SORCS1: variants seen among roughly 807,000 people sequenced by gnomAD.
SORCS1 encodes sortilin related VPS10 domain containing receptor 1.
In SORCS1, 60 loss-of-function variants were observed where a neutral mutation model predicts 146.1. The observed-to-expected ratio is 0.41, with a 90% CI of 0.33 to 0.51. The LOEUF (loss-of-function observed/expected upper bound fraction) is 0.51. Ranked by LOEUF, SORCS1 falls within the 20% of genes least tolerant of loss-of-function variation. The pLI is 0.21. For synonymous variants in SORCS1, 637 were observed against 584.0 expected, an observed-to-expected ratio of 1.09 and a Z score of -1.31; for missense variants, 1,352 against 1,487.6, an observed-to-expected ratio of 0.91 and a Z score of 1.50.
intron 1 of SORCS1, among the ~76,000 whole-genome samples, chr10:107,043,634 G>A (rs893955529): frequency 2.6e-5 from 4 of 152,070 alleles, no homozygotes; most frequent in African/African-American, 9.7e-5. Flanking sequence ...GTCTTCAGCT[G>A]TTCAAGGTCA....
chr10:107,048,800 A>C (rs1233447461), intron 1 of SORCS1, among the ~76,000 whole-genome samples: 1 of 152,198 alleles, frequency 6.6e-6, no homozygotes, highest in Non-Finnish European at 1.5e-5. Context: ...ACCAAAAAAC[A>C]GAAGGGTGGC....
intron 1 of SORCS1, among the ~76,000 whole-genome samples, chr10:106,997,041 T>C (rs971347608): frequency 1.4e-4 from 21 of 152,030 alleles, no homozygotes; most frequent in Non-Finnish European, 2.9e-4. Flanking sequence ...CATCCTTTTT[T>C]TTTTTCTTTA....
intron 2 of SORCS1, among the ~76,000 whole-genome samples, chr10:106,951,477 A>C (rs1450022252): frequency 6.9e-6 from 1 of 145,526 alleles, no homozygotes; most frequent in South Asian, 2.2e-4. Context: ...ACGCCACTGC[A>C]CTCCAGCCTG....
At chr10:107,038,035 C>G (rs776999383) in intron 1 of SORCS1, among the ~76,000 whole-genome samples, 1 of 152,092 alleles carries the variant, frequency 6.6e-6, no homozygotes, top group South Asian at 2.1e-4. Flanking sequence ...CCATGTTAGG[C>G]TGGTCTCAAA....
rs367860111 is a variant in SORCS1, at chr10:106,925,214, G to A, written c.626+31299C>T. Among the ~76,000 whole-genome samples, 9 of 151,646 alleles carry A rather than the reference G, an allele frequency of 5.9e-5. No individual in the cohort carries two copies. The East Asian group carries it at 7.8e-4, about 13-fold the overall frequency. On this transcript the variant is annotated intron_variant, in intron 2 of 25. Coordinates refer to ENST00000263054, the MANE Select transcript of SORCS1 (RefSeq NM_052918.5). The stretch of plus-strand genomic sequence containing the variant: ...TTGTTTGTTTTTTTTTTGTACAGCA[G>A]AAAGGCCCTTTTCCCTATCCTATCT...
At chr10:106,826,184 T>C (rs1345681112) in intron 3 of SORCS1, among the ~76,000 whole-genome samples, 2 of 152,218 alleles carry the variant, frequency 1.3e-5, no homozygotes, top group Non-Finnish European at 2.9e-5. Flanking sequence ...CACAAATGGC[T>C]AAAAATAGCT....
At chr10:107,004,733 T>G (rs1365483251) in intron 1 of SORCS1, among the ~76,000 whole-genome samples, 2 of 152,118 alleles carry the variant, frequency 1.3e-5, no homozygotes, top group Non-Finnish European at 2.9e-5. Flanking sequence ...ACAATACTCT[T>G]CTATAGGTCC....
At chr10:106,952,887 G>A (rs548788988) in intron 2 of SORCS1, among the ~76,000 whole-genome samples, 8 of 151,978 alleles carry the variant, frequency 5.3e-5, no homozygotes, top group African/African-American at 1.9e-4. Context: ...GGAGGCTAAG[G>A]TGGGAAGATC....
Position 106,783,900 on chromosome 10 carries a change from G to A in SORCS1, c.727-7208C>T, listed in dbSNP as rs77323019. ...GAAACATTTTCCCACATGCTAGTTC[G>A]CAAAGAAGTTTATGCTAAAGCAAAT... is the stretch of plus-strand genomic sequence containing the variant. On this transcript the variant is annotated intron_variant, in intron 3 of 25. Coordinates refer to ENST00000263054, the MANE Select transcript of SORCS1 (RefSeq NM_052918.5). Among the ~76,000 whole-genome samples, 909 of 152,146 alleles carry A rather than the reference G, an allele frequency of 6.0e-3. 41 individuals are homozygous for A. The South Asian group carries it at 0.089, about 15-fold the overall frequency.
rs113520888 is a variant in SORCS1, at chr10:106,761,568, C to T, written c.959+20G>A. ...GACTAGGTCATATCTTAATGTGCTA[C>T]AAGATAAAGTGAGACTTACCAGTAG... is the stretch of plus-strand genomic sequence containing the variant. On this transcript the variant is annotated intron_variant, in intron 5 of 25. Transcript: ENST00000263054. 8.1e-6 allele frequency: 13 copies of T among 1,607,488 alleles called. No homozygotes were observed. The African/African-American group carries it at 1.6e-4, about 20-fold the overall frequency.
intron 10 of SORCS1, among the ~76,000 whole-genome samples, chr10:106,682,097 C>A (rs1423618068): frequency 6.6e-6 from 1 of 152,174 alleles, no homozygotes; most frequent in Non-Finnish European, 1.5e-5. Flanking sequence ...CACTGCACTC[C>A]ACCCTGGGTG....
chr10:107,016,429 T>C (rs138820435), intron 1 of SORCS1, among the ~76,000 whole-genome samples: 49 of 152,134 alleles, frequency 3.2e-4, no homozygotes, highest in African/African-American at 1.2e-3. Context: ...CACTTGAAGC[T>C]GGGAGGTGGA....
chr10:106,739,491 A>AG (rs1344832314), intron 5 of SORCS1, among the ~76,000 whole-genome samples: 1 of 148,038 alleles, frequency 6.8e-6, no homozygotes, highest in Non-Finnish European at 1.5e-5. Flanking sequence ...TGTCTCAAAA[A>AG]GAAAAAAAAA....
intron 1 of SORCS1, among the ~76,000 whole-genome samples, chr10:107,086,768 G>T (rs376351883): frequency 1.3e-5 from 2 of 152,158 alleles, no homozygotes; most frequent in African/African-American, 4.8e-5. Flanking sequence ...AGTGGCTCAC[G>T]CCTGTAATCC....
intron 3 of SORCS1, among the ~76,000 whole-genome samples, chr10:106,799,610 G>GC (rs1194556356): frequency 1.3e-5 from 2 of 152,166 alleles, no homozygotes; most frequent in Non-Finnish European, 2.9e-5. Flanking sequence ...CATTTATGCA[G>GC]CCAACAGACA....
intron 2 of SORCS1, among the ~76,000 whole-genome samples, chr10:106,842,948 G>T (rs1427560307): frequency 6.6e-6 from 1 of 152,154 alleles, no homozygotes; most frequent in Non-Finnish European, 1.5e-5. Flanking sequence ...GTGCATGTGT[G>T]TGTATGTATT....
intron 1 of SORCS1, among the ~76,000 whole-genome samples, chr10:107,068,053 C>G (rs1962057857): frequency 6.6e-6 from 1 of 152,144 alleles, no homozygotes; most frequent in African/African-American, 2.4e-5. Flanking sequence ...AAGACTCCCT[C>G]TCTCATTCTT....
intron 3 of SORCS1, among the ~76,000 whole-genome samples, chr10:106,807,194 GAGGAAGGA>G (rs113386690): frequency 6.6e-6 from 1 of 152,078 alleles, no homozygotes; most frequent in South Asian, 2.1e-4. Context: ...AGGAAGGAAG[GAGGAAGGA>G]AGGAAGGAAG....
At chr10:106,658,361 C>T (rs1850464442) in intron 17 of SORCS1, among the ~76,000 whole-genome samples, 1 of 151,916 alleles carries the variant, frequency 6.6e-6, no homozygotes, top group South Asian at 2.1e-4. Context: ...GTGAAACCTC[C>T]TCTTCCCTTT....
Sources: gnomAD v4.1 joint callset for allele counts (sites outside exome capture counted in the v4.1 genomes callset) on GRCh38, gnomAD v4.1.1 for gene constraint, MANE v1.5 for transcripts, NCBI Gene and HGNC (gene_info 2026-07-23, HGNC 2026-07-21) for gene names.